The following CTNND2 variants were observed in gnomAD, a reference collection of about 807,000 sequenced individuals.
CTNND2 encodes catenin delta-2.
A neutral mutation model predicts 144.4 loss-of-function variants in CTNND2; 22 were observed. That is an observed-to-expected ratio of 0.15 (90% CI 0.11 to 0.22). The LOEUF is 0.22. CTNND2 is among the 10% of genes least tolerant of loss of function. CTNND2 has a pLI of 1.00. For missense variants in CTNND2, 1,353 were observed against 1,618.8 expected, an observed-to-expected ratio of 0.84 and a Z score of 2.82; for synonymous variants, 751 against 695.6, an observed-to-expected ratio of 1.08 and a Z score of -1.25.
chr5:11,125,632 C>G lies in CTNND2; in HGVS notation c.2160-8065G>C, dbSNP rs544637205. Among the ~76,000 whole-genome samples the G allele has an allele frequency of 4.6e-5, 7 of 152,282 alleles. No homozygotes were observed. In the South Asian group the frequency reaches 1.5e-3, roughly 32 times the overall value. ...GGGGAGAAACATGCCAGGCGGGTTA[C>G]CAGCACCCCACAGGAAAAGTGTCTC... On this transcript the variant is annotated intron_variant, in intron 12 of 21. Transcript: ENST00000304623.
chr5:11,077,006 T>G (rs189621755), intron 16 of CTNND2, among the ~76,000 whole-genome samples: 5 of 152,274 alleles, frequency 3.3e-5, no homozygotes, highest in African/African-American at 1.2e-4. Flanking sequence ...ATTCTTGGCT[T>G]TTTTAATAGA....
chr5:11,092,335 T>C (rs539721982), intron 15 of CTNND2, among the ~76,000 whole-genome samples: 1 of 152,362 alleles, frequency 6.6e-6, no homozygotes, highest in South Asian at 2.1e-4. Context: ...TTTAAAGTTC[T>C]GTAATTTAGA....
At chr5:11,781,357 C>G (rs1270953728) in intron 1 of CTNND2, among the ~76,000 whole-genome samples, 1 of 152,160 alleles carries the variant, frequency 6.6e-6, no homozygotes, top group Non-Finnish European at 1.5e-5. Context: ...TTCCCTAACA[C>G]AATCATTTTC....
chr5:11,696,057 A>G (rs1339982933), intron 2 of CTNND2, among the ~76,000 whole-genome samples: 2 of 152,156 alleles, frequency 1.3e-5, no homozygotes, highest in Non-Finnish European at 2.9e-5. Flanking sequence ...GGATAGTGTG[A>G]TATTGCCATG....
At chr5:11,723,544 A>G (rs1786813620) in intron 2 of CTNND2, among the ~76,000 whole-genome samples, 1 of 152,216 alleles carries the variant, frequency 6.6e-6, no homozygotes, top group African/African-American at 2.4e-5. Context: ...CATAAAAGTG[A>G]CTAAGGACTT....
intron 16 of CTNND2, among the ~76,000 whole-genome samples, chr5:11,045,242 AG>A (rs1745109916): frequency 1.3e-5 from 2 of 152,192 alleles, no homozygotes; most frequent in African/African-American, 4.8e-5. Context: ...ATGGTTCTGC[AG>A]GCTGTACATA....
At chr5:11,403,046 T>C (rs1299454288) in intron 5 of CTNND2, among the ~76,000 whole-genome samples, 1 of 152,128 alleles carries the variant, frequency 6.6e-6, no homozygotes, top group African/African-American at 2.4e-5. Flanking sequence ...TTTTTTAAAT[T>C]TTATTTTACT....
At chr5:11,858,791 T>C (rs1363151274) in intron 1 of CTNND2, among the ~76,000 whole-genome samples, 2 of 152,064 alleles carry the variant, frequency 1.3e-5, no homozygotes, top group Non-Finnish European at 2.9e-5. Context: ...TAGCTGGGCA[T>C]GGTGGCGGGT....
intron 2 of CTNND2, among the ~76,000 whole-genome samples, chr5:11,694,842 G>GA (rs1374008513): frequency 3.3e-5 from 5 of 151,884 alleles, no homozygotes; most frequent in East Asian, 1.9e-4. Context: ...GTGCTGAAAA[G>GA]AAAAAAAATG....
rs187356202 is a variant in CTNND2 at position 11,622,333 on chromosome 5, G to T, written c.175-57277C>A. Among the ~76,000 whole-genome samples the T allele has an allele frequency of 6.6e-5, 10 of 152,232 alleles. No individual in the cohort carries two copies. The East Asian group carries it at 1.9e-3, about 29-fold the overall frequency. The stretch of plus-strand genomic sequence containing the variant: ...TTATTTTCTTGCCAGCATAAAACAA[G>T]ATGACTGTACCCTTGATTGAGGGTA... On this transcript the variant is annotated intron_variant, in intron 2 of 21. Transcript: ENST00000304623.
intron 3 of CTNND2, among the ~76,000 whole-genome samples, chr5:11,442,320 A>G (rs964409189): frequency 6.6e-6 from 1 of 152,216 alleles, no homozygotes; most frequent in African/African-American, 2.4e-5. Context: ...TATTTTTAGT[A>G]GATTAAATTA....
At chr5:11,217,902 G>T (rs1000081432) in intron 10 of CTNND2, among the ~76,000 whole-genome samples, 7 of 152,110 alleles carry the variant, frequency 4.6e-5, no homozygotes, top group African/African-American at 1.7e-4. Context: ...TGGATCTTAG[G>T]CATCCAAGGT....
chr5:11,352,998 G>T (rs1755479626), intron 8 of CTNND2, among the ~76,000 whole-genome samples: 1 of 149,590 alleles, frequency 6.7e-6, no homozygotes, highest in Non-Finnish European at 1.5e-5. Context: ...CATTTTAGTT[G>T]TCCTCTAATT....
At chr5:11,849,090 A>C (rs1164561222) in intron 1 of CTNND2, among the ~76,000 whole-genome samples, 1 of 152,158 alleles carries the variant, frequency 6.6e-6, no homozygotes, top group African/African-American at 2.4e-5. Context: ...TAAAGAAAAA[A>C]AGGTTTAATG....
At chr5:11,673,890 T>C (rs1166355691) in intron 2 of CTNND2, among the ~76,000 whole-genome samples, 7 of 152,162 alleles carry the variant, frequency 4.6e-5, no homozygotes, top group South Asian at 2.1e-4. Flanking sequence ...TGTCCAAGTG[T>C]TGGCTTAGGG....
chr5:11,540,162 G>T (rs918457950), intron 3 of CTNND2, among the ~76,000 whole-genome samples: 16 of 152,124 alleles, frequency 1.1e-4, no homozygotes, highest in Non-Finnish European at 2.2e-4. Flanking sequence ...ACAAATGGAC[G>T]CCCTATACAA....
chr5:11,818,574 G>T (rs1266832635), intron 1 of CTNND2, among the ~76,000 whole-genome samples: 1 of 151,990 alleles, frequency 6.6e-6, no homozygotes, highest in Non-Finnish European at 1.5e-5. Flanking sequence ...CACCATGTTG[G>T]TCAGACTGGT....
chr5:11,278,755 AC>A (rs1481227906), intron 9 of CTNND2, among the ~76,000 whole-genome samples: 2 of 152,182 alleles, frequency 1.3e-5, no homozygotes, highest in Admixed American at 6.5e-5. Context: ...TGGGCAGAGA[AC>A]AGATGTGAGC....
At chr5:11,159,370 A>G (rs1233283240) in intron 12 of CTNND2, among the ~76,000 whole-genome samples, 1 of 152,240 alleles carries the variant, frequency 6.6e-6, no homozygotes, top group African/African-American at 2.4e-5. Flanking sequence ...TAAGTCTAAC[A>G]TTAATTAGGT....
Sources: allele counts gnomAD v4.1 joint callset (sites outside exome capture counted in the v4.1 genomes callset), GRCh38; gene constraint gnomAD v4.1.1; transcripts MANE v1.5; gene names NCBI Gene and HGNC (gene_info 2026-07-23, HGNC 2026-07-21).